C8orf34: variants seen among roughly 807,000 people sequenced by gnomAD.
C8orf34 encodes the protein chromosome 8 open reading frame 34, also known as uncharacterized protein C8orf34.
In C8orf34, 65 loss-of-function variants were observed where a neutral mutation model predicts 68.3. The observed-to-expected ratio is 0.95, with a 90% CI of 0.78 to 1.17. The LOEUF is 1.17. Among genes scored for constraint, C8orf34 ranks in the 50% most tolerant of loss-of-function variants. C8orf34 has a pLI of 0.00. For missense variants in C8orf34, 664 were observed against 655.4 expected, an observed-to-expected ratio of 1.01 and a Z score of -0.14; for synonymous variants, 244 against 241.2, an observed-to-expected ratio of 1.01 and a Z score of -0.11.
At chr8:68,670,484 AGATT>A (rs1819974770) in intron 8 of C8orf34, among the ~76,000 whole-genome samples, 1 of 152,198 alleles carries the variant, frequency 6.6e-6, no homozygotes, top group African/African-American at 2.4e-5. Context: ...CAACTTTGAG[AGATT>A]ACCTGGAAGA....
chr8:68,715,635 T>A (rs1821449443), intron 9 of C8orf34, among the ~76,000 whole-genome samples: 1 of 150,500 alleles, frequency 6.6e-6, no homozygotes, highest in South Asian at 2.1e-4. Flanking sequence ...TGGCCATTTT[T>A]ATTTTTTTAC....
intron 7 of C8orf34, among the ~76,000 whole-genome samples, chr8:68,547,608 C>G (rs1039228982): frequency 2.0e-5 from 3 of 151,744 alleles, no homozygotes; most frequent in African/African-American, 7.2e-5. Flanking sequence ...ACCCCTTATA[C>G]ACATAAGTAT....
upstream of C8orf34, chr8:68,330,905 C>G (rs974762691): frequency 2.8e-5 from 27 of 949,960 alleles, no homozygotes; most frequent in East Asian, 8.8e-4. Context: ...CCCCCTGATT[C>G]CTGCTGCTGC....
chr8:68,453,821 A>G (rs1040840169), intron 3 of C8orf34, among the ~76,000 whole-genome samples: 2 of 152,028 alleles, frequency 1.3e-5, no homozygotes, highest in African/African-American at 4.8e-5. Flanking sequence ...AACAGAAGTG[A>G]TGAAAGCAGG....
intron 9 of C8orf34, among the ~76,000 whole-genome samples, chr8:68,715,815 G>A (rs894293577): frequency 1.3e-5 from 2 of 152,004 alleles, no homozygotes; most frequent in African/African-American, 2.4e-5. Context: ...CTGTTACTAG[G>A]TATCTATCCA....
intron 8 of C8orf34, among the ~76,000 whole-genome samples, chr8:68,649,551 A>G (rs75764857): frequency 1.2e-3 from 184 of 152,338 alleles, no homozygotes; most frequent in African/African-American, 4.1e-3. Flanking sequence ...CTCATTGTTC[A>G]TTCAAGATCT....
chr8:68,707,096 G>A (rs1821188839), intron 8 of C8orf34, among the ~76,000 whole-genome samples: 1 of 152,162 alleles, frequency 6.6e-6, no homozygotes, highest in African/African-American at 2.4e-5. Flanking sequence ...CTTTTATTTA[G>A]ACTGTATTTC....
At chr8:68,561,499 G>A (rs1318785884) in intron 7 of C8orf34, among the ~76,000 whole-genome samples, 1 of 152,174 alleles carries the variant, frequency 6.6e-6, no homozygotes, top group Non-Finnish European at 1.5e-5. Context: ...GCTCACGCTT[G>A]TAATCCCAGC....
At chr8:68,523,082 A>G (rs908199857) in intron 6 of C8orf34, among the ~76,000 whole-genome samples, 1 of 152,208 alleles carries the variant, frequency 6.6e-6, no homozygotes, top group Non-Finnish European at 1.5e-5. Flanking sequence ...TTCTATTTCC[A>G]TGAGAAATAA....
chr8:68,697,180 G>A (rs189795411), intron 8 of C8orf34, among the ~76,000 whole-genome samples: 1 of 151,716 alleles, frequency 6.6e-6, no homozygotes. Context: ...GTCATTTTTG[G>A]TACTTTAATA....
intron 1 of C8orf34, among the ~76,000 whole-genome samples, chr8:68,358,194 T>C (rs958122860): frequency 2.6e-5 from 4 of 152,174 alleles, no homozygotes; most frequent in African/African-American, 9.7e-5. Context: ...TGATCCATGC[T>C]ATAACTGGCT....
chr8:68,815,358 A>ATT (rs1479753395), intron 12 of C8orf34, among the ~76,000 whole-genome samples: 1 of 152,130 alleles, frequency 6.6e-6, no homozygotes, highest in Non-Finnish European at 1.5e-5. Flanking sequence ...ACACACATAT[A>ATT]TATATATACA....
chr8:68,458,457 A>C (rs1811644714), intron 3 of C8orf34, among the ~76,000 whole-genome samples: 2 of 152,316 alleles, frequency 1.3e-5, no homozygotes, highest in South Asian at 2.1e-4. Flanking sequence ...TTTAAAAAAA[A>C]CCAAAAAACC....
At chr8:68,575,655 G>A (rs920440481) in intron 7 of C8orf34, among the ~76,000 whole-genome samples, 4 of 152,140 alleles carry the variant, frequency 2.6e-5, no homozygotes, top group East Asian at 3.9e-4. Flanking sequence ...CCTGTTTGGA[G>A]GCTGATATCC....
chr8:68,778,220 C>G (rs1025833976), intron 11 of C8orf34, among the ~76,000 whole-genome samples: 4 of 152,078 alleles, frequency 2.6e-5, no homozygotes, highest in Non-Finnish European at 5.9e-5. Flanking sequence ...GCTTTTATTT[C>G]ACTTTTTCTT....
intron 7 of C8orf34, 24 bp downstream of exon 7, chr8:68,533,173 C>A (rs1250383069): frequency 1.3e-6 from 2 of 1,548,256 alleles, no homozygotes; most frequent in Non-Finnish European, 1.7e-6. Flanking sequence ...TTAATAATTT[C>A]TCATTTTCTT....
chr8:68,472,755 A>G (rs1812435353), intron 4 of C8orf34, among the ~76,000 whole-genome samples: 1 of 152,168 alleles, frequency 6.6e-6, no homozygotes. Context: ...GTTGTATTTA[A>G]CCCAATATAT....
chr8:68,643,016 C>T (rs1819058380), intron 8 of C8orf34, among the ~76,000 whole-genome samples: 1 of 152,162 alleles, frequency 6.6e-6, no homozygotes, highest in African/African-American at 2.4e-5. Flanking sequence ...CCGCTAACCT[C>T]CTGCTGTGCC....
chr8:68,361,527 A>G (rs1490122604), intron 1 of C8orf34, among the ~76,000 whole-genome samples: 1 of 152,212 alleles, frequency 6.6e-6, no homozygotes, highest in African/African-American at 2.4e-5. Context: ...CTATCCAACT[A>G]TCGCTCATTA....
Sources: allele counts gnomAD v4.1 joint callset (sites outside exome capture counted in the v4.1 genomes callset), GRCh38; gene constraint gnomAD v4.1.1; transcripts MANE v1.5; gene names NCBI Gene and HGNC (gene_info 2026-07-23, HGNC 2026-07-21).